The following KDM1A variants were observed in gnomAD, a reference collection of about 807,000 sequenced individuals.
KDM1A encodes the protein lysine demethylase 1A, also known as lysine-specific histone demethylase 1A.
KDM1A carries 49 observed loss-of-function variants against 109.4 expected under a neutral mutation model. The observed-to-expected ratio is 0.45, with a 90% confidence interval of 0.36 to 0.57. The LOEUF (loss-of-function observed/expected upper bound fraction) is 0.57, where lower values mean the gene tolerates loss of function less well. Among genes scored for constraint, KDM1A ranks in the 20% least tolerant of loss-of-function variants. The pLI, the probability that KDM1A is intolerant of heterozygous loss-of-function variation, is 0.00. For synonymous variants in KDM1A, 380 were observed against 415.4 expected, an observed-to-expected ratio of 0.91 and a Z score of 1.04; for missense variants, 668 against 1,116.6, an observed-to-expected ratio of 0.60 and a Z score of 5.73.
At chr1:23,078,955 A>C in intron 16 of KDM1A, 35 bp from the exon 17 acceptor site, 1 of 1,576,126 alleles carries the variant, frequency 6.3e-7, no homozygotes. Flanking sequence ...TGCCATATTC[A>C]TCACCACTAG....
chr1:23,056,833 A>G (rs375221626), intron 7 of KDM1A, among the ~76,000 whole-genome samples: 8 of 151,394 alleles, frequency 5.3e-5, no homozygotes, highest in East Asian at 3.9e-4. Context: ...TTGGAGTTCC[A>G]GAGTACTCTT....
At chr1:23,028,821 A>G (rs1406739809) in intron 1 of KDM1A, among the ~76,000 whole-genome samples, 1 of 152,142 alleles carries the variant, frequency 6.6e-6, no homozygotes, top group Non-Finnish European at 1.5e-5. Flanking sequence ...GTCTTATTGC[A>G]AAGACCCTGT....
chr1:23,023,184 A>T (rs1191906101), intron 1 of KDM1A, among the ~76,000 whole-genome samples: 1 of 152,102 alleles, frequency 6.6e-6, no homozygotes, highest in Non-Finnish European at 1.5e-5. Flanking sequence ...TTCTAGTAAG[A>T]GTTCTTTACA....
At chr1:23,059,194 A>C in intron 9 of KDM1A, 27 bp downstream of exon 9, 5 of 1,573,754 alleles carry the variant, frequency 3.2e-6, no homozygotes, top group Non-Finnish European at 4.4e-6. Context: ...CAGAACTTTC[A>C]ACATTTCTTT....
chr1:23,030,742 A>G (rs891202660), intron 2 of KDM1A, 108 bp downstream of exon 2: 2 of 1,182,738 alleles, frequency 1.7e-6, no homozygotes, highest in Non-Finnish European at 2.4e-6. Context: ...GGTTTATAAT[A>G]AAGTCTGATA....
chr1:23,055,962 G>A lies in KDM1A; in HGVS notation c.914G>A (p.Gly305Asp). Reference protein sequence around the residue: ...TKKTGKVIIIGSGVSGLAAAR... With the variant: ...TKKTGKVIIIDSGVSGLAAAR... ...AAGACAGGAAAGGTAATTATTATAG[G>A]CTCTGGGGTCTCAGGCTTGGCAGCA... The change falls in exon 7 of 21, where the codon GGC (glycine) becomes GAC (aspartate). Residue 305 changes from glycine (G) to aspartate (D), a missense_variant. Transcript: ENST00000400181. 6.2e-7 allele frequency: 1 copy of A among 1,612,566 alleles called. No individual in the cohort carries two copies. Among genetic ancestry groups the A allele is most frequent in the Non-Finnish European group, 8.5e-7 (1 of 1,179,048 alleles).
chr1:23,022,401 C>T (rs966865422), intron 1 of KDM1A, among the ~76,000 whole-genome samples: 2 of 148,986 alleles, frequency 1.3e-5, no homozygotes, highest in Non-Finnish European at 1.5e-5. Context: ...AGTGGCATGA[C>T]CTCGGCTCAC....
intron 2 of KDM1A, among the ~76,000 whole-genome samples, chr1:23,039,447 C>A (rs1421710578): frequency 6.6e-6 from 1 of 152,096 alleles, no homozygotes; most frequent in Non-Finnish European, 1.5e-5. Context: ...CCCTCTAATC[C>A]ATCTCGTACA....
intron 7 of KDM1A, among the ~76,000 whole-genome samples, chr1:23,056,683 A>G (rs941158758): frequency 6.6e-6 from 1 of 151,908 alleles, no homozygotes; most frequent in Non-Finnish European, 1.5e-5. Flanking sequence ...TTATATATTT[A>G]GAAAACATCT....
At chr1:23,058,918 C>T (rs1025271251) in intron 8 of KDM1A, among the ~76,000 whole-genome samples, 155 bp from the exon 9 acceptor site, 1 of 150,986 alleles carries the variant, frequency 6.6e-6, no homozygotes, top group Non-Finnish European at 1.5e-5. Flanking sequence ...GTTTGTCTTA[C>T]ATATTTTTAC....
rs1643372739 is a variant in KDM1A at position 23,073,371 on chromosome 1, C to T, written c.1702C>T (p.Leu568Phe). 6 of 1,609,250 alleles carry T rather than the reference C, an allele frequency of 3.7e-6. No individual in the cohort carries two copies. The highest frequency in any genetic ancestry group is 5.1e-6 in the Non-Finnish European group (6 of 1,175,746). Reference protein sequence around the residue: ...ANLEFANATPLSTLSLKHWDQ... With the variant: ...ANLEFANATPFSTLSLKHWDQ... ...TCTTGAATTTGCTAATGCCACACCTCTCTCAACTCTCTCCCTTAAGCACTG... is the reference window on the plus strand; with the variant it reads ...TCTTGAATTTGCTAATGCCACACCTTTCTCAACTCTCTCCCTTAAGCACTG... The change falls in exon 15 of 21, where the codon CTC (leucine) becomes TTC (phenylalanine). Residue 568 changes from leucine (L) to phenylalanine (F), a missense_variant. Coordinates refer to ENST00000400181, the MANE Select transcript of KDM1A (RefSeq NM_001009999.3).
intron 1 of KDM1A, among the ~76,000 whole-genome samples, chr1:23,023,245 T>A (rs1641695405): frequency 6.6e-6 from 1 of 152,262 alleles, no homozygotes; most frequent in African/African-American, 2.4e-5. Flanking sequence ...TTTATTCTTT[T>A]GCTCCCTTTA....
intron 2 of KDM1A, among the ~76,000 whole-genome samples, chr1:23,039,582 T>C (rs1642247030): frequency 1.3e-5 from 2 of 152,246 alleles, no homozygotes; most frequent in South Asian, 4.1e-4. Context: ...GGGATCATTT[T>C]ACCAATCCAC....
intron 1 of KDM1A, among the ~76,000 whole-genome samples, chr1:23,022,011 T>C (rs1188781099): frequency 6.6e-6 from 1 of 152,262 alleles, no homozygotes; most frequent in Non-Finnish European, 1.5e-5. Flanking sequence ...TTGATAACTC[T>C]TTATGGCTGA....
intron 15 of KDM1A, among the ~76,000 whole-genome samples, chr1:23,076,111 T>G (rs1335608845): frequency 6.6e-6 from 1 of 152,228 alleles, no homozygotes; most frequent in African/African-American, 2.4e-5. Flanking sequence ...TGATTTATCA[T>G]TTGATGTTTC....
chr1:23,078,038 G>A (rs1348985272), intron 16 of KDM1A, among the ~76,000 whole-genome samples: 1 of 152,170 alleles, frequency 6.6e-6, no homozygotes, highest in Non-Finnish European at 1.5e-5. Context: ...AAGATAACTA[G>A]TCATCTCCCT....
chr1:23,057,352 T>C (rs566859018), intron 7 of KDM1A, 132 bp from the exon 8 acceptor site: 2 of 673,670 alleles, frequency 3.0e-6, no homozygotes, highest in East Asian at 2.7e-5. Context: ...CCCATAGTAC[T>C]GTTGATTGCA....
intron 15 of KDM1A, among the ~76,000 whole-genome samples, chr1:23,075,947 C>CA (rs202041889): frequency 0.012 from 1,774 of 149,570 alleles, 49 homozygotes; most frequent in African/African-American, 0.041. Context: ...AACTCCATCT[C>CA]AAAAAAAAAA....
Position 23,083,089 on chromosome 1 carries a change from G to T in KDM1A, c.2446-90G>T. On this transcript the variant is annotated intron_variant, in intron 20 of 20. Coordinates refer to ENST00000400181, the MANE Select transcript of KDM1A (RefSeq NM_001009999.3). ...ATTGGGGGGGTCAGCCTTTAAAAAG[G>T]TCAACAGCAATTTAAGTACTTAGCA... The T allele has an allele frequency of 2.4e-6, 3 of 1,256,054 alleles. No individual in the cohort carries two copies. In the Admixed American group the frequency reaches 6.1e-5, roughly 26 times the overall value. 77.8% of individuals were successfully genotyped at this position (1,256,054 alleles called of 1,614,324 possible).
Sources: gnomAD v4.1 joint callset for allele counts (sites outside exome capture counted in the v4.1 genomes callset) on GRCh38, gnomAD v4.1.1 for gene constraint, MANE v1.5 for transcripts, NCBI Gene and HGNC (gene_info 2026-07-23, HGNC 2026-07-21) for gene names.